Variants in FBXL13 observed in about 807,000 individuals in gnomAD.
FBXL13 encodes the protein F-box and leucine rich repeat protein 13, also known as F-box and leucine-rich repeat protein 13.
In FBXL13, 67 loss-of-function variants were observed where a neutral mutation model predicts 83.6. The observed-to-expected ratio is 0.80, with a 90% CI of 0.66 to 0.98. The LOEUF is 0.98. Ranked by LOEUF, FBXL13 falls within the 50% of genes least tolerant of loss-of-function variation. FBXL13 has a pLI of 0.00. For synonymous variants in FBXL13, 272 were observed against 299.5 expected, an observed-to-expected ratio of 0.91 and a Z score of 0.95; for missense variants, 822 against 866.5, an observed-to-expected ratio of 0.95 and a Z score of 0.64.
chr7:102,878,243 A>G, intron 15 of FBXL13, 88 bp downstream of exon 16: 3 of 1,190,446 alleles, frequency 2.5e-6, no homozygotes, highest in Non-Finnish European at 3.4e-6. Context: ...CCCAAATGTC[A>G]TGAAATCTTT....
At chr7:103,017,879 A>T (rs1326747113) in intron 6 of FBXL13, among the ~76,000 whole-genome samples, 1 of 152,166 alleles carries the variant, frequency 6.6e-6, no homozygotes, top group Non-Finnish European at 1.5e-5. Flanking sequence ...CAGGGAGAAG[A>T]ATCAAGTTGG....
At chr7:102,884,181 A>G (rs1810481007) in intron 12 of FBXL13, 33 bp downstream of exon 13, 1 of 1,444,638 alleles carries the variant, frequency 6.9e-7, no homozygotes, top group African/African-American at 1.4e-5. Context: ...ATCTTATGGG[A>G]CAGAAAAGTA....
chr7:102,989,385 G>C (rs1829324505), intron 6 of FBXL13, among the ~76,000 whole-genome samples: 1 of 152,182 alleles, frequency 6.6e-6, no homozygotes, highest in Admixed American at 6.5e-5. Context: ...ACCAAATGCT[G>C]GATAAACATT....
intron 8 of FBXL13, among the ~76,000 whole-genome samples, chr7:102,959,376 C>G (rs976817845): frequency 6.6e-6 from 1 of 151,938 alleles, no homozygotes; most frequent in Non-Finnish European, 1.5e-5. Context: ...GTTTTTCTTT[C>G]TCATGCATGC....
At chr7:102,930,886 T>C (rs747689951) in intron 9 of FBXL13, among the ~76,000 whole-genome samples, 1 of 152,258 alleles carries the variant, frequency 6.6e-6, no homozygotes, top group East Asian at 1.9e-4. Context: ...GATAGTTGCA[T>C]TCACTAAATA....
intron 11 of FBXL13, among the ~76,000 whole-genome samples, chr7:102,890,338 T>C (rs1407069413): frequency 6.6e-6 from 1 of 152,214 alleles, no homozygotes; most frequent in Non-Finnish European, 1.5e-5. Context: ...CGTTTGGTTG[T>C]AAAGTGATTT....
At chr7:103,029,210 G>A in intron 3 of FBXL13, 141 bp downstream of exon 4, 1 of 478,122 alleles carries the variant, frequency 2.1e-6, no homozygotes, top group Non-Finnish European at 3.7e-6. Flanking sequence ...AAATATAAAA[G>A]AAATATATAA....
At chr7:102,951,412 T>TAA (rs930676661) in intron 8 of FBXL13, among the ~76,000 whole-genome samples, 3 of 149,170 alleles carry the variant, frequency 2.0e-5, no homozygotes, top group African/African-American at 7.4e-5. Context: ...AAAGTTAATT[T>TAA]AAAAAAAAAC....
At chr7:102,980,732 G>GT (rs897856878) in intron 6 of FBXL13, among the ~76,000 whole-genome samples, 23 of 151,702 alleles carry the variant, frequency 1.5e-4, no homozygotes, top group African/African-American at 5.3e-4. Flanking sequence ...AGCTGAGATC[G>GT]TGCCACTGCA....
chr7:102,934,757 A>G (rs916347727), intron 8 of FBXL13: 3 of 1,275,600 alleles, frequency 2.4e-6, no homozygotes, highest in Admixed American at 2.4e-5. Context: ...AATCCTCCCT[A>G]CATCCCACCA....
intron 6 of FBXL13, among the ~76,000 whole-genome samples, chr7:103,008,498 C>G (rs778000583): frequency 2.6e-5 from 4 of 152,182 alleles, no homozygotes; most frequent in Non-Finnish European, 2.9e-5. Flanking sequence ...GTGTTTGCAA[C>G]TTTCCTATAA....
At chr7:102,898,685 G>A (rs1324300083) in intron 11 of FBXL13, among the ~76,000 whole-genome samples, 1 of 152,138 alleles carries the variant, frequency 6.6e-6, no homozygotes, top group African/African-American at 2.4e-5. Flanking sequence ...TGCCAGCAAA[G>A]TGGGAAGTAG....
Position 102,963,514 on chromosome 7 carries a change from T to C in FBXL13, c.724+19A>G. On this transcript the variant is annotated intron_variant, in intron 8 of 19. Coordinates refer to ENST00000313221, the Ensembl canonical transcript of FBXL13. Reference sequence around the variant, plus strand: ...TAATACAGGAAAGCAAGACAAATAGTTGTAATGAACATACTTACTGACAGA... The same window carrying C: ...TAATACAGGAAAGCAAGACAAATAGCTGTAATGAACATACTTACTGACAGA... 1 of 1,604,364 alleles carries C rather than the reference T, an allele frequency of 6.2e-7. No homozygotes were observed. The highest frequency in any genetic ancestry group is 8.5e-7 in the Non-Finnish European group (1 of 1,177,966).
At chr7:102,834,473 A>ATATATATATATATATATG (rs1491519097) in intron 17 of FBXL13, 1 of 141,544 alleles carries the variant, frequency 7.1e-6, no homozygotes, top group African/African-American at 2.6e-5. Flanking sequence ...ATATATATAT[A>ATATATATATATATATATG]TGTGATGTGG....
Position 102,839,866 on chromosome 7 carries a change from G to A in FBXL13, c.1720-6892C>T, listed in dbSNP as rs371832539. Among the ~76,000 whole-genome samples the A allele has an allele frequency of 3.0e-4, 45 of 151,958 alleles. 1 individual carries two copies. The South Asian group carries it at 7.9e-3, about 27-fold the overall frequency. On this transcript the variant is annotated intron_variant, in intron 17 of 19. Transcript: ENST00000313221. ...TTTAAACATATAAAATAGAATGTAT[G>A]AGATAAAAAATAAATCTGACATTTC...
At chr7:102,885,265 A>C (rs1810642409) in intron 11 of FBXL13, among the ~76,000 whole-genome samples, 1 of 152,176 alleles carries the variant, frequency 6.6e-6, no homozygotes, top group Admixed American at 6.5e-5. Context: ...AAGTGTTCCA[A>C]TTTCTCCACA....
At chr7:102,934,038 C>G (rs1295393542) in intron 8 of FBXL13, 2 of 1,614,090 alleles carry the variant, frequency 1.2e-6, no homozygotes. Flanking sequence ...CGGAGAGGCT[C>G]CAACCCGGTC....
chr7:103,026,017 T>C (rs1793866048), intron 5 of FBXL13, among the ~76,000 whole-genome samples: 1 of 150,922 alleles, frequency 6.6e-6, no homozygotes, highest in South Asian at 2.1e-4. Context: ...ATCTTGATGA[T>C]ATTATAGTAC....
Position 102,989,206 on chromosome 7 carries a change from C to T in FBXL13, c.496-21089G>A, listed in dbSNP as rs1000634032. Among the ~76,000 whole-genome samples the T allele has an allele frequency of 3.3e-5, 5 of 152,172 alleles. No individual in the cohort carries two copies. The East Asian group carries it at 9.6e-4, about 29-fold the overall frequency. ...ATGAAAGCTTTGCATGAATAATTGA[C>T]AAATTTGATCTTCCTTGTGAATGCA... On this transcript the variant is annotated intron_variant, in intron 6 of 19. Transcript: ENST00000313221.
Sources: allele counts gnomAD v4.1 joint callset (sites outside exome capture counted in the v4.1 genomes callset), GRCh38; gene constraint gnomAD v4.1.1; transcripts MANE v1.5; gene names NCBI Gene and HGNC (gene_info 2026-07-23, HGNC 2026-07-21).